METTL25: variants seen among roughly 807,000 people sequenced by gnomAD.
METTL25 encodes the protein methyltransferase like 25, also known as probable methyltransferase-like protein 25.
Under a neutral mutation model 71.6 loss-of-function variants are expected in METTL25, and 64 were observed. That is an observed-to-expected ratio of 0.89 (90% CI 0.73 to 1.10). The LOEUF (loss-of-function observed/expected upper bound fraction) is 1.10, where lower values mean the gene tolerates loss of function less well. Ranked by LOEUF, METTL25 falls within the 50% of genes least tolerant of loss-of-function variation. The probability of loss-of-function intolerance (pLI) is 0.00; values close to 1 mark genes in which losing one functional copy is unlikely to be tolerated. For synonymous variants in METTL25, 287 were observed against 250.3 expected (o/e 1.15, Z -1.38); for missense variants, 807 against 707.0 (o/e 1.14, Z -1.60).
chr12:82,453,616 TG>T (rs1891293126), intron 8 of METTL25, among the ~76,000 whole-genome samples: 1 of 152,160 alleles, frequency 6.6e-6, no homozygotes, highest in Non-Finnish European at 1.5e-5. Flanking sequence ...TAATACTAGC[TG>T]TTATTTGTAT....
intron 1 of METTL25, among the ~76,000 whole-genome samples, chr12:82,364,911 A>G (rs1882385519): frequency 6.6e-6 from 1 of 152,226 alleles, no homozygotes; most frequent in Admixed American, 6.5e-5. Context: ...ATTATAAACT[A>G]TCAAAAAACA....
At chr12:82,395,041 A>G (rs1857671220) in intron 3 of METTL25, among the ~76,000 whole-genome samples, 1 of 151,922 alleles carries the variant, frequency 6.6e-6, no homozygotes, top group African/African-American at 2.4e-5. Context: ...CTTGGAAGTC[A>G]TTGTGATAAT....
chr12:82,466,277 G>T (rs1469616631), intron 9 of METTL25, among the ~76,000 whole-genome samples: 1 of 149,566 alleles, frequency 6.7e-6, no homozygotes, highest in Admixed American at 6.7e-5. Context: ...ATAGGTTTTG[G>T]TATGTTATGT....
At chr12:82,361,245 A>G (rs929840739) in intron 1 of METTL25, among the ~76,000 whole-genome samples, 1 of 152,164 alleles carries the variant, frequency 6.6e-6, no homozygotes, top group Non-Finnish European at 1.5e-5. Context: ...TGGTGCATTT[A>G]CAAACCTTGA....
intron 9 of METTL25, among the ~76,000 whole-genome samples, chr12:82,457,333 A>AG (rs1015789225): frequency 6.6e-5 from 10 of 151,370 alleles, no homozygotes; most frequent in African/African-American, 2.4e-4. Flanking sequence ...CACTGAGGGA[A>AG]AAAAAAACAG....
intron 3 of METTL25, among the ~76,000 whole-genome samples, chr12:82,391,345 A>G (rs890807189): frequency 1.3e-5 from 2 of 152,066 alleles, no homozygotes; most frequent in Non-Finnish European, 2.9e-5. Context: ...CAGGATTCCT[A>G]TGGGGTTGGT....
intron 7 of METTL25, 106 bp downstream of exon 7, chr12:82,434,830 TGTC>T (rs1944850408): frequency 1.1e-6 from 1 of 909,730 alleles, no homozygotes; most frequent in Non-Finnish European, 1.8e-6. Flanking sequence ...ATAAATATCT[TGTC>T]CCAGATGCAT....
chr12:82,362,086 T>C (rs933500327), intron 1 of METTL25, among the ~76,000 whole-genome samples: 7 of 152,258 alleles, frequency 4.6e-5, no homozygotes, highest in African/African-American at 1.7e-4. Flanking sequence ...TGGTGTTTTA[T>C]GGAACAAAGT....
intron 9 of METTL25, among the ~76,000 whole-genome samples, chr12:82,466,663 AG>A (rs1892254287): frequency 6.6e-6 from 1 of 152,062 alleles, no homozygotes; most frequent in Admixed American, 6.6e-5. Context: ...TTATCTGTCT[AG>A]ATGATCTGTC....
At chr12:82,421,744 T>C (rs1436317739) in intron 5 of METTL25, among the ~76,000 whole-genome samples, 1 of 152,120 alleles carries the variant, frequency 6.6e-6, no homozygotes, top group Non-Finnish European at 1.5e-5. Flanking sequence ...AAATACAAAC[T>C]ACCATCGGAG....
chr12:82,382,904 C>G (rs1884582649), intron 1 of METTL25, among the ~76,000 whole-genome samples: 1 of 151,896 alleles, frequency 6.6e-6, no homozygotes, highest in Non-Finnish European at 1.5e-5. Flanking sequence ...GAAATGAGGT[C>G]TTGCTATGTT....
chr12:82,432,202 A>G (rs1361151734), intron 6 of METTL25, among the ~76,000 whole-genome samples: 1 of 151,756 alleles, frequency 6.6e-6, no homozygotes, highest in East Asian at 1.9e-4. Context: ...ACATAGCAAT[A>G]TAAGAAATAG....
chr12:82,475,127 AC>A (rs1892809952), intron 9 of METTL25, among the ~76,000 whole-genome samples: 1 of 152,204 alleles, frequency 6.6e-6, no homozygotes, highest in Admixed American at 6.5e-5. Context: ...TTGAAGAAAT[AC>A]GTTTTCAGGG....
chr12:82,386,446 CCTCCCTCCCTCT>C (rs1885015718), intron 1 of METTL25, among the ~76,000 whole-genome samples: 1 of 127,510 alleles, frequency 7.8e-6, no homozygotes, highest in African/African-American at 2.8e-5. Flanking sequence ...TCCCTCCCTC[CCTCCCTCCCTCT>C]CTCTCTCCCT....
At chr12:82,441,591 G>A (rs377732133) in intron 8 of METTL25, among the ~76,000 whole-genome samples, 43 of 151,592 alleles carry the variant, frequency 2.8e-4, no homozygotes, top group African/African-American at 9.2e-4. Flanking sequence ...AGGGGTTTCC[G>A]GACCGAAGGA....
chr12:82,427,386 G>C (rs541471225), intron 5 of METTL25, among the ~76,000 whole-genome samples: 3 of 151,984 alleles, frequency 2.0e-5, no homozygotes, highest in African/African-American at 7.2e-5. Flanking sequence ...GAGTATACTT[G>C]GCTATGGGTT....
intron 10 of METTL25, among the ~76,000 whole-genome samples, chr12:82,477,022 C>T (rs1892915046): frequency 6.6e-6 from 1 of 151,724 alleles, no homozygotes; most frequent in Admixed American, 6.6e-5. Flanking sequence ...ATTCTTAGTA[C>T]CCCTTTAAAA....
At chr12:82,466,721 T>C (rs1383984554) in intron 9 of METTL25, among the ~76,000 whole-genome samples, 1 of 152,114 alleles carries the variant, frequency 6.6e-6, no homozygotes, top group African/African-American at 2.4e-5. Flanking sequence ...TGGATTGAGG[T>C]CCATCTGTCT....
chr12:82,376,747 A>G (rs1025121468), intron 1 of METTL25, among the ~76,000 whole-genome samples: 1 of 152,216 alleles, frequency 6.6e-6, no homozygotes, highest in Non-Finnish European at 1.5e-5. Flanking sequence ...GCATAATCTT[A>G]TTGTTAAATT....
Sources: gnomAD v4.1 joint callset for allele counts (sites outside exome capture counted in the v4.1 genomes callset) on GRCh38, gnomAD v4.1.1 for gene constraint, MANE v1.5 for transcripts, NCBI Gene and HGNC (gene_info 2026-07-23, HGNC 2026-07-21) for gene names.